Variants in NBAS observed in about 807,000 individuals in gnomAD.
NBAS encodes the protein NBAS subunit of NRZ tethering complex.
A neutral mutation model predicts 302.5 loss-of-function variants in NBAS; 219 were observed. The observed-to-expected ratio is 0.72, with a 90% CI of 0.65 to 0.81. The LOEUF (loss-of-function observed/expected upper bound fraction) is 0.81, where lower values mean the gene tolerates loss of function less well. Ranked by LOEUF, NBAS falls within the 30% of genes least tolerant of loss-of-function variation. The probability of loss-of-function intolerance (pLI) is 0.00; values close to 1 mark genes in which losing one functional copy is unlikely to be tolerated. For missense variants in NBAS, 2,932 were observed against 2,841.6 expected (o/e 1.03, Z -0.72); for synonymous variants, 1,118 against 1,021.6 (o/e 1.09, Z -1.80).
the NBAS span, among the ~76,000 whole-genome samples, chr2:14,958,811 GA>G: frequency 2.0e-5 from 3 of 151,866 alleles, no homozygotes; most frequent in South Asian, 6.2e-4. Context: ...CTCACATCAA[GA>G]AAAAAATGGG....
At chr2:14,875,951 T>C in the NBAS span, among the ~76,000 whole-genome samples, 3 of 152,248 alleles carry the variant, frequency 2.0e-5, no homozygotes, top group African/African-American at 7.2e-5. Context: ...GCATAGCAGC[T>C]GCAGTTGGGG....
chr2:15,018,907 G>A, the NBAS span, among the ~76,000 whole-genome samples: 1 of 151,996 alleles, frequency 6.6e-6, no homozygotes, highest in Non-Finnish European at 1.5e-5. Context: ...TCATTTTATG[G>A]AGAATTTCAT....
intron 32 of NBAS, among the ~76,000 whole-genome samples, chr2:15,363,878 G>A (rs551969856): frequency 6.6e-6 from 1 of 152,296 alleles, no homozygotes; most frequent in South Asian, 2.1e-4. Flanking sequence ...TGGAAGTGAT[G>A]GTGTGTGACT....
chr2:15,359,634 C>A (rs893996668), intron 32 of NBAS, among the ~76,000 whole-genome samples: 18 of 152,000 alleles, frequency 1.2e-4, no homozygotes, highest in African/African-American at 4.3e-4. Flanking sequence ...GCCCTTTCAA[C>A]ATATTCCTTT....
At chr2:15,168,984 C>T (rs1664163688) in intron 51 of NBAS, among the ~76,000 whole-genome samples, 1 of 152,210 alleles carries the variant, frequency 6.6e-6, no homozygotes, top group South Asian at 2.1e-4. Context: ...TTCTTGAAGG[C>T]ACAGAAGTTT....
At chr2:15,520,343 A>G (rs958310089) in intron 9 of NBAS, among the ~76,000 whole-genome samples, 9 of 152,166 alleles carry the variant, frequency 5.9e-5, no homozygotes, top group Non-Finnish European at 1.3e-4. Context: ...TAGAAGCTAC[A>G]GCAAGCCAAG....
At chr2:14,807,559 T>C in the NBAS span, among the ~76,000 whole-genome samples, 1 of 152,138 alleles carries the variant, frequency 6.6e-6, no homozygotes, top group Non-Finnish European at 1.5e-5. Context: ...TTGTTTATCA[T>C]CACTATGAAA....
At chr2:14,957,913 G>C in the NBAS span, among the ~76,000 whole-genome samples, 1 of 152,178 alleles carries the variant, frequency 6.6e-6, no homozygotes, top group Non-Finnish European at 1.5e-5. Flanking sequence ...GACATGCCAA[G>C]TTTACTCATC....
chr2:14,833,001 A>G, the NBAS span, among the ~76,000 whole-genome samples: 1 of 152,208 alleles, frequency 6.6e-6, no homozygotes, highest in Non-Finnish European at 1.5e-5. Flanking sequence ...AGGTTGCCCA[A>G]GGTCCCAGAA....
intron 40 of NBAS, 95 bp downstream of exon 40, chr2:15,308,121 G>T: frequency 6.4e-7 from 1 of 1,564,434 alleles, no homozygotes; most frequent in Non-Finnish European, 8.8e-7. Flanking sequence ...GGATACATAT[G>T]TAATCAGTTC....
At chr2:15,512,064 T>C (rs1662169447) in intron 9 of NBAS, among the ~76,000 whole-genome samples, 1 of 152,192 alleles carries the variant, frequency 6.6e-6, no homozygotes, top group South Asian at 2.1e-4. Context: ...CAGTTATCTG[T>C]CTAAAGAAAG....
chr2:15,427,751 T>G lies in NBAS; in HGVS notation c.2383A>C (p.Lys795Gln). 6.2e-7 allele frequency: 1 copy of G among 1,613,584 alleles called. No homozygotes were observed. The highest frequency in any genetic ancestry group is 8.5e-7 in the Non-Finnish European group (1 of 1,179,800). ...SLMIIPWHEHKHRAKDWCEEL... is the reference protein window; with the variant it reads ...SLMIIPWHEHQHRAKDWCEEL... ...TCGCACCAATCTTTAGCTCGGTGTTTATGTTCATGCCAAGGAATGATCATC... is the reference window on the plus strand; with the variant it reads ...TCGCACCAATCTTTAGCTCGGTGTTGATGTTCATGCCAAGGAATGATCATC... Residue 795 changes from lysine (K) to glutamine (Q), a missense_variant, in exon 22 of 52, where the codon AAA becomes CAA. By Grantham distance (53) the Lys-to-Gln change is moderately conservative. Coordinates refer to ENST00000281513, the MANE Select transcript of NBAS (RefSeq NM_015909.4).
chr2:15,037,862 C>G, the NBAS span, among the ~76,000 whole-genome samples: 2 of 151,996 alleles, frequency 1.3e-5, no homozygotes, highest in African/African-American at 4.8e-5. Context: ...GATTAAAACT[C>G]AGGTTTCAGT....
At chr2:14,851,428 G>T in the NBAS span, among the ~76,000 whole-genome samples, 1 of 151,732 alleles carries the variant, frequency 6.6e-6, no homozygotes, top group Non-Finnish European at 1.5e-5. Context: ...TGAAATTGTG[G>T]CAATAATCAA....
intron 22 of NBAS, among the ~76,000 whole-genome samples, chr2:15,425,162 C>CAAAAAGACA (rs1553310441): frequency 1.3e-5 from 2 of 149,092 alleles, no homozygotes; most frequent in Non-Finnish European, 3.0e-5. Flanking sequence ...TGTTTAAGGA[C>CAAAAAGACA]AAAAAAAAAA....
intron 42 of NBAS, among the ~76,000 whole-genome samples, chr2:15,279,481 C>A (rs933547031): frequency 6.6e-6 from 1 of 152,154 alleles, no homozygotes; most frequent in Admixed American, 6.5e-5. Flanking sequence ...GTTCTCCTGT[C>A]ATACTTCATT....
chr2:15,392,854 T>C (rs1390581346), intron 28 of NBAS, among the ~76,000 whole-genome samples: 2 of 152,020 alleles, frequency 1.3e-5, no homozygotes, highest in South Asian at 4.1e-4. Flanking sequence ...TAATGTTACC[T>C]AATTTCAATA....
the NBAS span, among the ~76,000 whole-genome samples, chr2:14,848,228 G>A: frequency 6.6e-6 from 1 of 151,240 alleles, no homozygotes; most frequent in South Asian, 2.1e-4. Context: ...CGCGCACCAT[G>A]CGAGAGCCGA....
Position 15,446,299 on chromosome 2 carries a change from C to T in NBAS, c.2339+14902G>A, listed in dbSNP as rs547988156. ...CTAGTTATAAATAAAATCTTAAAAG[C>T]ATGCAAAGAAAACAAGACACATCAT... On this transcript the variant is annotated intron_variant, in intron 21 of 51. Transcript: ENST00000281513. Among the ~76,000 whole-genome samples, 7 of 152,132 alleles carry T rather than the reference C, an allele frequency of 4.6e-5. No homozygotes were observed. The South Asian group carries it at 1.5e-3, about 32-fold the overall frequency.
Sources: gnomAD v4.1 joint callset for allele counts (sites outside exome capture counted in the v4.1 genomes callset) on GRCh38, gnomAD v4.1.1 for gene constraint, MANE v1.5 for transcripts, NCBI Gene and HGNC (gene_info 2026-07-23, HGNC 2026-07-21) for gene names.